LAMA3: variants seen among roughly 807,000 people sequenced by gnomAD.
The protein encoded by LAMA3 is laminin subunit alpha 3.
LAMA3 carries 281 observed loss-of-function variants against 402.0 expected under a neutral mutation model. The observed-to-expected ratio is 0.70, with a 90% CI of 0.63 to 0.77. The LOEUF is 0.77. LAMA3 is among the 30% of genes least tolerant of loss of function. The pLI is 0.00. For synonymous variants in LAMA3, 1,431 were observed against 1,558.4 expected (o/e 0.92, Z 1.93); for missense variants, 3,840 against 4,215.5 (o/e 0.91, Z 2.47).
rs1427872579 is a variant in LAMA3, at chr18:23,689,957, G to C, written c.274G>C (p.Gly92Arg). 6.6e-7 allele frequency: 1 copy of C among 1,517,238 alleles called. No homozygotes were observed. Among genetic ancestry groups the C allele is most frequent in the Non-Finnish European group, 8.8e-7 (1 of 1,132,266 alleles). 94.0% of individuals were successfully genotyped at this position (1,517,238 alleles called of 1,614,324 possible). Residue 92 changes from glycine (G) to arginine (R), a missense_variant, in exon 1 of 75, where the codon GGC becomes CGC. This residue lies in a region of LAMA3 where 2,109 missense variants were observed against 2,376.0 expected (regional missense o/e 0.89). Transcript: ENST00000313654. ...CKLVGGPTAP[G>R]SGHTIQGQFC... ...GTTGGTCGGGGGCCCCACCGCCCCA[G>C]GCAGCGGCCACACCATCCAGGTGAG...
chr18:23,940,182 A>AATT (rs2082448686), intron 68 of LAMA3, among the ~76,000 whole-genome samples: 2 of 152,190 alleles, frequency 1.3e-5, no homozygotes, highest in African/African-American at 4.8e-5. Context: ...GCAGGCAGGG[A>AATT]GAGCCCGCAG....
chr18:23,782,628 T>C (rs1208047215), intron 11 of LAMA3, among the ~76,000 whole-genome samples: 1 of 152,166 alleles, frequency 6.6e-6, no homozygotes, highest in Non-Finnish European at 1.5e-5. Context: ...ATATATATGC[T>C]AATCCAGGAC....
chr18:23,779,083 G>A (rs2062383332), intron 11 of LAMA3, among the ~76,000 whole-genome samples: 1 of 152,176 alleles, frequency 6.6e-6, no homozygotes, highest in Non-Finnish European at 1.5e-5. Flanking sequence ...AAGAGACCAG[G>A]TGTGTGAAAG....
At chr18:23,846,577 G>A (rs904762400) in intron 31 of LAMA3, 69 bp downstream of exon 31, 1 of 1,413,256 alleles carries the variant, frequency 7.1e-7, no homozygotes, top group African/African-American at 1.4e-5. Context: ...CCAGGAGCAG[G>A]CTTCTTCAGT....
At chr18:23,834,177 G>A in intron 24 of LAMA3, 189 bp downstream of exon 24, 1 of 638,270 alleles carries the variant, frequency 1.6e-6, no homozygotes, top group Non-Finnish European at 2.7e-6. Context: ...TCTATGGGCA[G>A]TGTAAAAATG....
chr18:23,895,961 G>A (rs1368405026), intron 44 of LAMA3, among the ~76,000 whole-genome samples: 2 of 152,070 alleles, frequency 1.3e-5, no homozygotes, highest in Non-Finnish European at 2.9e-5. Flanking sequence ...CACACACCTT[G>A]CAATGTTATG....
intron 1 of LAMA3, among the ~76,000 whole-genome samples, chr18:23,695,143 G>T (rs571907132): frequency 1.3e-5 from 2 of 152,296 alleles, no homozygotes; most frequent in African/African-American, 4.8e-5. Flanking sequence ...AAGAGGCAAG[G>T]AAGGATCCTT....
rs776970825 is a variant in LAMA3 at position 23,842,715 on chromosome 18, A to G, written c.3568A>G (p.Thr1190Ala). Residue 1190 changes from threonine (T) to alanine (A), a missense_variant, in exon 29 of 75, where the codon ACT (threonine) becomes GCT (alanine). Physicochemically the swap from Thr to Ala is moderately conservative, Grantham distance 58 (BLOSUM62 0). Around this residue, in one of 3 missense-constraint regions of LAMA3, gnomAD observed 2,109 missense variants for 2,376.0 expected, o/e 0.89. Coordinates refer to ENST00000313654, the MANE Select transcript of LAMA3 (RefSeq NM_198129.4). ...CATCTCAGAGCCTGAAGTGGCCGCA[A>G]CTGTGAAGGTTCCAGAAGGAAAGTC... ...FDISEPEVAA[T>A]VKVPEGKSLV... 1.2e-6 allele frequency: 2 copies of G among 1,614,238 alleles called. No individual in the cohort carries two copies. The highest frequency in any genetic ancestry group is 4.5e-5 in the East Asian group (2 of 44,882).
At chr18:23,900,635 A>G (rs1180102555) in intron 47 of LAMA3, among the ~76,000 whole-genome samples, 1 of 152,256 alleles carries the variant, frequency 6.6e-6, no homozygotes, top group African/African-American at 2.4e-5. Context: ...AGTTTAGTGC[A>G]TACTTTTTAC....
intron 8 of LAMA3, among the ~76,000 whole-genome samples, chr18:23,770,296 T>C (rs2062167196): frequency 6.6e-6 from 1 of 151,956 alleles, no homozygotes; most frequent in Non-Finnish European, 1.5e-5. Flanking sequence ...AATAGGCAAG[T>C]TACAGACAGA....
At chr18:23,768,776 G>C (rs956579493) in intron 8 of LAMA3, among the ~76,000 whole-genome samples, 21 of 152,114 alleles carry the variant, frequency 1.4e-4, no homozygotes, top group Admixed American at 9.2e-4. Flanking sequence ...AGAAAATGTG[G>C]TATATATACA....
In LAMA3 at chr18:23,895,004, C is replaced by A. The variant is rs566665693; in HGVS notation, c.5559C>A (p.Ser1853Arg). The change falls in exon 44 of 75, where the codon AGC becomes AGA. Residue 1853 changes from serine (S) to arginine (R), a missense_variant. Around this residue, in one of 3 missense-constraint regions of LAMA3, gnomAD observed 891 missense variants for 857.5 expected, o/e 1.04. Transcript: ENST00000313654. ...VKSQLQGLSA[S>R]AGLLEQMRHM... ...CTCAGCTGCAGGGCCTGAGTGCCAG[C>A]GCAGGGCTTCTGGAGCAGATGAGGC... The A allele has an allele frequency of 1.2e-5, 19 of 1,612,770 alleles. No individual in the cohort carries two copies. In the African/African-American group the frequency reaches 1.3e-4, roughly 11 times the overall value.
intron 11 of LAMA3, among the ~76,000 whole-genome samples, chr18:23,782,972 C>T (rs112251867): frequency 0.041 from 6,217 of 152,280 alleles, 174 homozygotes; most frequent in Non-Finnish European, 0.063. Flanking sequence ...TTATCTATTT[C>T]TGTGTCTTAA....
At chr18:23,769,151 A>T (rs1301156361) in intron 8 of LAMA3, among the ~76,000 whole-genome samples, 1 of 150,052 alleles carries the variant, frequency 6.7e-6, no homozygotes, top group Non-Finnish European at 1.5e-5. Context: ...TTAGAGTTGA[A>T]TTTTTTTTTT....
chr18:23,796,657 G>T (rs1204335515), intron 12 of LAMA3, among the ~76,000 whole-genome samples: 1 of 152,074 alleles, frequency 6.6e-6, no homozygotes, highest in Non-Finnish European at 1.5e-5. Context: ...AATGGTTGGA[G>T]CCAGGACTCC....
chr18:23,800,357 T>C (rs1035196163), intron 12 of LAMA3, among the ~76,000 whole-genome samples: 5 of 152,206 alleles, frequency 3.3e-5, no homozygotes, highest in African/African-American at 1.2e-4. Flanking sequence ...TTAGGTTGAA[T>C]GATAAGGAGA....
chr18:23,913,896 T>G (rs1456020726), intron 56 of LAMA3, among the ~76,000 whole-genome samples: 2 of 152,244 alleles, frequency 1.3e-5, no homozygotes, highest in Non-Finnish European at 2.9e-5. Flanking sequence ...TTAAAATGGT[T>G]AAAATGGTAA....
chr18:23,742,650 ATGTGTGTG>A (rs141466075), intron 2 of LAMA3, among the ~76,000 whole-genome samples: 11 of 148,034 alleles, frequency 7.4e-5, no homozygotes, highest in Admixed American at 2.0e-4. Flanking sequence ...AGAATCAAAA[ATGTGTGTG>A]TGTGTGTGTG....
intron 32 of LAMA3, among the ~76,000 whole-genome samples, chr18:23,853,648 T>C (rs1392137889): frequency 1.3e-5 from 2 of 152,174 alleles, no homozygotes; most frequent in African/African-American, 2.4e-5. Flanking sequence ...CACCCACCCA[T>C]GCCCAGATGT....
Sources: allele counts gnomAD v4.1 joint callset (sites outside exome capture counted in the v4.1 genomes callset), GRCh38; gene constraint gnomAD v4.1.1; regional missense constraint gnomAD v4.1.1; transcripts MANE v1.5; gene names NCBI Gene and HGNC (gene_info 2026-07-23, HGNC 2026-07-21).